Variants in AXDND1 observed in about 807,000 individuals in gnomAD.
AXDND1 encodes the protein axonemal dynein light chain domain-containing protein 1.
A neutral mutation model predicts 137.5 loss-of-function variants in AXDND1; 110 were observed. The ratio of observed to expected loss-of-function variants is 0.80; its 90% CI spans 0.69 to 0.94. The LOEUF (loss-of-function observed/expected upper bound fraction) is 0.94. AXDND1 is among the 40% of genes least tolerant of loss of function. The pLI, the probability that AXDND1 is intolerant of heterozygous loss-of-function variation, is 0.00. For missense variants in AXDND1, 1,191 were observed against 1,169.8 expected (o/e 1.02, Z -0.26); for synonymous variants, 414 against 399.7 (o/e 1.04, Z -0.43).
intron 20 of AXDND1, among the ~76,000 whole-genome samples, chr1:179,502,386 G>A (rs548736425): frequency 6.6e-6 from 1 of 152,056 alleles, no homozygotes; most frequent in South Asian, 2.1e-4. Context: ...CCAGCGTGGT[G>A]AACCTCTGTC....
At chr1:179,443,871 T>G (rs944724645) in intron 15 of AXDND1, among the ~76,000 whole-genome samples, 1 of 152,198 alleles carries the variant, frequency 6.6e-6, no homozygotes, top group Non-Finnish European at 1.5e-5. Flanking sequence ...GTTATAGTAG[T>G]CTGACAAAGG....
intron 15 of AXDND1, among the ~76,000 whole-genome samples, chr1:179,438,813 G>A (rs1429218540): frequency 6.6e-6 from 1 of 152,198 alleles, no homozygotes; most frequent in Non-Finnish European, 1.5e-5. Flanking sequence ...GCCAAAAAAA[G>A]CGACTGTGTC....
chr1:179,550,736 C>A lies in AXDND1; in HGVS notation c.3032-3776C>A, dbSNP rs78606873. Reference sequence around the variant, plus strand: ...CTTGGTAGTATCATTGGAGAGAAGACTGCATCTTTGGGACAGAAGAGCAAT... The same window carrying A: ...CTTGGTAGTATCATTGGAGAGAAGAATGCATCTTTGGGACAGAAGAGCAAT... On this transcript the variant is annotated intron_variant, in intron 25 of 25. Coordinates refer to ENST00000367618, the MANE Select transcript of AXDND1 (RefSeq NM_144696.6). 3.4e-3 allele frequency: 756 copies of A among 219,812 alleles called. 6 individuals carry two copies. Among genetic ancestry groups the A allele is most frequent in the African/African-American group, 0.017 (730 of 44,120 alleles). The allele number at this position is 219,812 out of a possible 1,614,324, so 13.6% of individuals were successfully genotyped here.
In AXDND1 at chr1:179,449,349, T is replaced by A. The variant is rs546733734; in HGVS notation, c.1798+4145T>A. ...TCAGTTAACCAGAGATCTCTGGGCT[T>A]ATTTTGTAGTCTTAAGCCTATTCTA... On this transcript the variant is annotated intron_variant, in intron 16 of 25. Coordinates refer to ENST00000367618, the MANE Select transcript of AXDND1 (RefSeq NM_144696.6). The A allele has an allele frequency of 2.9e-4, 85 of 295,476 alleles. 3 individuals are homozygous for A. Among genetic ancestry groups the A allele is most frequent in the South Asian group, 2.1e-3 (81 of 38,504 alleles). 18.3% of individuals were successfully genotyped at this position (295,476 alleles called of 1,614,324 possible). A position where few individuals can be genotyped will look rare whatever the true frequency, so the allele number is the denominator to read the frequency against.
At chr1:179,538,038 AT>A (rs1383185210) in intron 25 of AXDND1, among the ~76,000 whole-genome samples, 1 of 152,166 alleles carries the variant, frequency 6.6e-6, no homozygotes, top group African/African-American at 2.4e-5. Flanking sequence ...CAGCGGTGAT[AT>A]CCCCTTTATC....
At chr1:179,541,808 TAATAGAAAA>T (rs1176809899) in intron 25 of AXDND1, among the ~76,000 whole-genome samples, 1 of 152,118 alleles carries the variant, frequency 6.6e-6, no homozygotes, top group Non-Finnish European at 1.5e-5. Flanking sequence ...TCATTGTGTA[TAATAGAAAA>T]AATAGAAACA....
intron 9 of AXDND1, among the ~76,000 whole-genome samples, chr1:179,386,053 T>C (rs1477709898): frequency 7.0e-6 from 1 of 141,958 alleles, no homozygotes. Context: ...TTTTTTCCTT[T>C]TTTTTTTTTT....
intron 16 of AXDND1, chr1:179,448,506 T>C: frequency 2.6e-6 from 1 of 384,106 alleles, no homozygotes; most frequent in Non-Finnish European, 5.0e-6. Context: ...TTTTCTTCAA[T>C]ACCGTAATGC....
At chr1:179,447,149 A>C (rs1659851374) in intron 16 of AXDND1, among the ~76,000 whole-genome samples, 1 of 152,156 alleles carries the variant, frequency 6.6e-6, no homozygotes, top group Admixed American at 6.6e-5. Context: ...TATTGAATAC[A>C]GGGGTATATT....
At chr1:179,461,373 T>C (rs968404283) in intron 16 of AXDND1, among the ~76,000 whole-genome samples, 11 of 152,162 alleles carry the variant, frequency 7.2e-5, no homozygotes, top group Non-Finnish European at 1.3e-4. Context: ...ATGTGTGGTA[T>C]TATTTCTGAG....
intron 18 of AXDND1, among the ~76,000 whole-genome samples, chr1:179,485,420 C>T (rs912200944): frequency 6.6e-6 from 1 of 152,200 alleles, no homozygotes; most frequent in African/African-American, 2.4e-5. Context: ...TCCAGAAGGC[C>T]TAAGCTGAGC....
chr1:179,412,654 G>A, intron 12 of AXDND1, among the ~76,000 whole-genome samples: 1 of 151,226 alleles, frequency 6.6e-6, no homozygotes, highest in East Asian at 1.9e-4. Flanking sequence ...ACATGCTAGA[G>A]GCATTTCCAT....
Position 179,534,887 on chromosome 1 carries a change from G to A in AXDND1, c.2956G>A (p.Val986Ile). Residue 986 changes from valine (V) to isoleucine (I), a missense_variant, in exon 25 of 26, where the codon GTA (valine) becomes ATA (isoleucine). Val to Ile is a conservative substitution (Grantham distance 29, BLOSUM62 3). Coordinates refer to ENST00000367618, the MANE Select transcript of AXDND1 (RefSeq NM_144696.6). ...EEKENQDERE[V>I]KEEEEQQEEE... Reference sequence around the variant, plus strand: ...GAAAGAAAATCAAGATGAAAGAGAAGTAAAAGAAGAAGAAGAACAACAAGA... The same window carrying A: ...GAAAGAAAATCAAGATGAAAGAGAAATAAAAGAAGAAGAAGAACAACAAGA... The A allele has an allele frequency of 4.4e-6, 7 of 1,595,042 alleles. No homozygotes were observed. Among genetic ancestry groups the A allele is most frequent in the South Asian group, 1.1e-5 (1 of 89,080 alleles).
Position 179,509,284 on chromosome 1 carries a change from A to T in AXDND1, c.2389-12A>T. The T allele has an allele frequency of 6.4e-7, 1 of 1,566,380 alleles. No individual in the cohort carries two copies. The highest frequency in any genetic ancestry group is 1.1e-5 in the South Asian group (1 of 88,068). On this transcript the variant is annotated splice_polypyrimidine_tract_variant and intron_variant, in intron 20 of 25. Transcript: ENST00000367618. Reference sequence around the variant, plus strand: ...CTGGTTTTTCTGCTTGTAATCTTTTATCTCTTCTCAGAAAGAATGTTATGA... The same window carrying T: ...CTGGTTTTTCTGCTTGTAATCTTTTTTCTCTTCTCAGAAAGAATGTTATGA...
chr1:179,393,379 A>G (rs1650507436), intron 9 of AXDND1, among the ~76,000 whole-genome samples: 2 of 151,954 alleles, frequency 1.3e-5, no homozygotes, highest in South Asian at 2.1e-4. Context: ...GCCTTGTAGT[A>G]TAGTTTGAAG....
intron 4 of AXDND1, among the ~76,000 whole-genome samples, chr1:179,375,565 TG>T (rs1211593197): frequency 6.6e-6 from 1 of 150,792 alleles, no homozygotes; most frequent in East Asian, 1.9e-4. Context: ...TACACATATA[TG>T]TACATACATA....
At chr1:179,426,096 A>G (rs552869981) in intron 12 of AXDND1, among the ~76,000 whole-genome samples, 1 of 152,188 alleles carries the variant, frequency 6.6e-6, no homozygotes, top group Admixed American at 6.5e-5. Flanking sequence ...CGACCTCCCA[A>G]AGTGCTGGGA....
intron 25 of AXDND1, chr1:179,548,701 G>A (rs962794513): frequency 3.9e-5 from 6 of 152,202 alleles, no homozygotes; most frequent in African/African-American, 1.4e-4. Flanking sequence ...TCCAGACATG[G>A]TCCCCAAGGA....
chr1:179,518,015 A>G (rs1420072473), intron 21 of AXDND1, among the ~76,000 whole-genome samples: 1 of 152,212 alleles, frequency 6.6e-6, no homozygotes, highest in Non-Finnish European at 1.5e-5. Context: ...GTCTTAATAT[A>G]ACATCCATAC....
Sources: allele counts gnomAD v4.1 joint callset (sites outside exome capture counted in the v4.1 genomes callset), GRCh38; gene constraint gnomAD v4.1.1; transcripts MANE v1.5; gene names NCBI Gene and HGNC (gene_info 2026-07-23, HGNC 2026-07-21).